Variants in OSBPL10 observed in about 807,000 individuals in gnomAD.
OSBPL10 encodes the protein oxysterol binding protein like 10.
In OSBPL10, 49 loss-of-function variants were observed where a neutral mutation model predicts 81.7. That is an observed-to-expected ratio of 0.60 (90% confidence interval 0.48 to 0.76). The LOEUF is 0.76. Among genes scored for constraint, OSBPL10 ranks in the 30% least tolerant of loss-of-function variants. The pLI is 0.00. For missense variants in OSBPL10, 923 were observed against 987.8 expected, an observed-to-expected ratio of 0.93 and a Z score of 0.88; for synonymous variants, 419 against 383.6, an observed-to-expected ratio of 1.09 and a Z score of -1.08.
intron 7 of OSBPL10, among the ~76,000 whole-genome samples, chr3:31,684,662 A>ACC (rs535619271): frequency 1.2e-3 from 180 of 152,352 alleles, no homozygotes; most frequent in Non-Finnish European, 2.1e-3. Flanking sequence ...TACAAGCCCC[A>ACC]CCATGACTGA....
At chr3:31,876,623 G>T (rs1701479412) in intron 2 of OSBPL10, 111 bp from the exon 3 acceptor site, 4 of 825,456 alleles carry the variant, frequency 4.8e-6, no homozygotes, top group Admixed American at 2.0e-5. Context: ...GTGAGAGGTA[G>T]CAAGAAGGTG....
chr3:31,686,127 C>T (rs1309440776), intron 7 of OSBPL10, among the ~76,000 whole-genome samples: 3 of 152,180 alleles, frequency 2.0e-5, no homozygotes, highest in South Asian at 2.1e-4. Flanking sequence ...TTTTCTGCCA[C>T]GTTTTGACCC....
intron 4 of OSBPL10, among the ~76,000 whole-genome samples, chr3:31,803,879 A>T (rs1170766091): frequency 2.0e-5 from 3 of 152,232 alleles, no homozygotes; most frequent in Non-Finnish European, 4.4e-5. Flanking sequence ...ATTTGGTGGT[A>T]CATGTTTTTA....
In OSBPL10 at chr3:31,709,901, C is replaced by T. The variant is rs188139087; in HGVS notation, c.1096-7393G>A. 1.2e-3 allele frequency among the ~76,000 whole-genome samples: 179 copies of T among 152,258 alleles called. 1 individual carries two copies. The highest frequency in any genetic ancestry group is 3.3e-3 in the South Asian group (16 of 4,818). ...ACTAGCACTTTAAAACCAAATCCAG[C>T]GCTGAATTAATAACACAGCCAAGAG... On this transcript the variant is annotated intron_variant, in intron 6 of 11. Transcript: ENST00000396556.
At chr3:31,923,638 A>C (rs181198858) in intron 1 of OSBPL10, among the ~76,000 whole-genome samples, 1 of 152,114 alleles carries the variant, frequency 6.6e-6, no homozygotes, top group Non-Finnish European at 1.5e-5. Flanking sequence ...AATAATTTTT[A>C]AAAATAGCTG....
intron 1 of OSBPL10, among the ~76,000 whole-genome samples, chr3:31,937,354 T>G (rs1697405335): frequency 6.6e-6 from 1 of 151,708 alleles, no homozygotes; most frequent in Non-Finnish European, 1.5e-5. Flanking sequence ...TCTTGCCAAC[T>G]CTTGGTTATA....
chr3:31,748,008 G>T lies in OSBPL10; in HGVS notation c.842C>A (p.Thr281Asn). The T allele has an allele frequency of 6.2e-7, 1 of 1,614,210 alleles. No homozygotes were observed. Among genetic ancestry groups the T allele is most frequent in the Non-Finnish European group, 8.5e-7 (1 of 1,180,032 alleles). ...LDQDLLLLKA[T>N]SAATLSCLGE... Reference sequence around the variant, plus strand: ...AAGGCAGCTGAGGGTGGCAGCAGAGGTAGCTTTCAGGAGCAGCAGGTCCTG... The same window carrying T: ...AAGGCAGCTGAGGGTGGCAGCAGAGTTAGCTTTCAGGAGCAGCAGGTCCTG... The change falls in exon 5 of 12, where the codon ACC becomes AAC. Residue 281 changes from threonine (T) to asparagine (N), a missense_variant. Around this residue, in one of 3 missense-constraint regions of OSBPL10, gnomAD observed 514 missense variants for 508.0 expected, o/e 1.01. Transcript: ENST00000396556.
chr3:31,971,415 C>T (rs1698565064), intron 1 of OSBPL10, among the ~76,000 whole-genome samples: 1 of 152,200 alleles, frequency 6.6e-6, no homozygotes, highest in Admixed American at 6.5e-5. Flanking sequence ...GCTGGGATTA[C>T]AGGCATGAGC....
chr3:31,896,769 G>C (rs1696072407), intron 1 of OSBPL10, among the ~76,000 whole-genome samples: 1 of 152,220 alleles, frequency 6.6e-6, no homozygotes, highest in South Asian at 2.1e-4. Context: ...GCCAGCTCCT[G>C]CCTATGCCTC....
At chr3:31,891,689 G>T (rs777444782) in intron 1 of OSBPL10, among the ~76,000 whole-genome samples, 1 of 152,178 alleles carries the variant, frequency 6.6e-6, no homozygotes, top group Non-Finnish European at 1.5e-5. Flanking sequence ...TTTGGGGGGT[G>T]CCAGTGCCAC....
At chr3:31,724,706 T>G (rs1696754060) in intron 6 of OSBPL10, among the ~76,000 whole-genome samples, 1 of 152,234 alleles carries the variant, frequency 6.6e-6, no homozygotes, top group Non-Finnish European at 1.5e-5. Flanking sequence ...TCATGCCTTG[T>G]ACTCAGACAG....
chr3:32,034,977 C>T (rs908396044), intron 2 of OSBPL10, among the ~76,000 whole-genome samples: 2 of 152,086 alleles, frequency 1.3e-5, no homozygotes, highest in Non-Finnish European at 2.9e-5. Context: ...ATTCTAGTAA[C>T]AGGACTTTAA....
In OSBPL10 at chr3:31,902,776, G is replaced by C. The variant is rs573346617; in HGVS notation, c.282-22946C>G. On this transcript the variant is annotated intron_variant, in intron 1 of 11. Coordinates refer to ENST00000396556, the MANE Select transcript of OSBPL10 (RefSeq NM_017784.5). ...AGACCAAGTTTCACCGTGTTAGTCAGGATGGTCTCGATCTCCTGACCTCGT... is the reference window on the plus strand; with the variant it reads ...AGACCAAGTTTCACCGTGTTAGTCACGATGGTCTCGATCTCCTGACCTCGT... Among the ~76,000 whole-genome samples the C allele has an allele frequency of 3.5e-4, 53 of 152,278 alleles. 1 individual carries two copies. In the South Asian group the frequency reaches 0.011, roughly 32 times the overall value.
chr3:32,048,925 C>G (rs1414003116), intron 1 of OSBPL10, among the ~76,000 whole-genome samples: 5 of 152,230 alleles, frequency 3.3e-5, no homozygotes, highest in Non-Finnish European at 7.3e-5. Flanking sequence ...GTTGTTATCA[C>G]TGCTCATTAT....
rs181206993 is a variant in OSBPL10, at chr3:31,907,300, C to T, written c.282-27470G>A. 9.9e-5 allele frequency among the ~76,000 whole-genome samples: 15 copies of T among 152,176 alleles called. No homozygotes were observed. In the East Asian group the frequency reaches 2.7e-3, roughly 27 times the overall value. ...AAAATAGGGCAGGTATTCTTTATTG[C>T]ATTTTACTTGTAAGAAAAGTAAGAC... On this transcript the variant is annotated intron_variant, in intron 1 of 11. Transcript: ENST00000396556.
chr3:31,961,159 G>C (rs1698150385), intron 1 of OSBPL10, among the ~76,000 whole-genome samples: 1 of 147,238 alleles, frequency 6.8e-6, no homozygotes, highest in Non-Finnish European at 1.5e-5. Context: ...ATCAAGTTCT[G>C]AAGCTCTCCA....
intron 3 of OSBPL10, among the ~76,000 whole-genome samples, chr3:31,846,176 C>A (rs1303206753): frequency 6.6e-6 from 1 of 152,152 alleles, no homozygotes; most frequent in Non-Finnish European, 1.5e-5. Flanking sequence ...CCACACTACG[C>A]TAATTTTTTA....
chr3:31,773,964 C>T (rs1698462410), intron 4 of OSBPL10, among the ~76,000 whole-genome samples: 1 of 151,942 alleles, frequency 6.6e-6, no homozygotes, highest in African/African-American at 2.4e-5. Flanking sequence ...GAGTTCGAGA[C>T]CAGCCTGACC....
intron 3 of OSBPL10, among the ~76,000 whole-genome samples, chr3:31,838,306 C>T (rs1227334980): frequency 2.0e-5 from 3 of 151,906 alleles, no homozygotes; most frequent in African/African-American, 7.3e-5. Context: ...GTCAGGAGAT[C>T]GAGACCATCC....
Sources: allele counts gnomAD v4.1 joint callset (sites outside exome capture counted in the v4.1 genomes callset), GRCh38; gene constraint gnomAD v4.1.1; regional missense constraint gnomAD v4.1.1; transcripts MANE v1.5; gene names NCBI Gene and HGNC (gene_info 2026-07-23, HGNC 2026-07-21).